The following GGH variants were observed in gnomAD, a reference collection of about 807,000 sequenced individuals.
The protein encoded by GGH is gamma-glutamyl hydrolase.
A neutral mutation model predicts 39.2 loss-of-function variants in GGH; 18 were observed. The observed-to-expected ratio is 0.46, with a 90% confidence interval of 0.32 to 0.68. The LOEUF (loss-of-function observed/expected upper bound fraction) is 0.68, where lower values mean the gene tolerates loss of function less well. Among genes scored for constraint, GGH ranks in the 30% least tolerant of loss-of-function variants. The pLI, the probability that GGH is intolerant of heterozygous loss-of-function variation, is 0.04. For missense variants in GGH, 367 were observed against 384.1 expected (o/e 0.96, Z 0.37); for synonymous variants, 147 against 138.8 (o/e 1.06, Z -0.42).
chr8:63,037,901 A>T (rs1804940349), intron 1 of GGH, among the ~76,000 whole-genome samples: 1 of 152,354 alleles, frequency 6.6e-6, no homozygotes, highest in East Asian at 1.9e-4. Context: ...TACAGAATAC[A>T]GTGATAATAT....
At chr8:63,036,166 C>T (rs1804904574) in intron 1 of GGH, among the ~76,000 whole-genome samples, 1 of 152,186 alleles carries the variant, frequency 6.6e-6, no homozygotes, top group Non-Finnish European at 1.5e-5. Context: ...CATCTTCCAT[C>T]CACACCTCTC....
intron 7 of GGH, among the ~76,000 whole-genome samples, chr8:63,021,981 C>T (rs1804595698): frequency 6.6e-6 from 1 of 152,022 alleles, no homozygotes; most frequent in Non-Finnish European, 1.5e-5. Context: ...GACCTCATAT[C>T]CATTTTTAAT....
At chr8:63,028,233 C>T (rs953510108) in intron 3 of GGH, 1 of 151,918 alleles carries the variant, frequency 6.6e-6, no homozygotes, top group Non-Finnish European at 1.5e-5. Context: ...AGAATATCTA[C>T]CACAAATCCA....
rs1357907518 is a variant in GGH at position 63,027,201 on chromosome 8, A to G, written c.340T>C (p.Phe114Leu). The part of the protein sequence containing the change: ...RSDYAKVAKI[F>L]YNLSIQSFDD... ...TTTACCTGTATGGACAAGTTATAAAATATTTTGGCCACTTTAGCATAATCT... is the reference window on the plus strand; with the variant it reads ...TTTACCTGTATGGACAAGTTATAAAGTATTTTGGCCACTTTAGCATAATCT... Residue 114 changes from phenylalanine (F) to leucine (L), a missense_variant, in exon 4 of 9, where the codon TTT becomes CTT. Transcript: ENST00000260118. 21 of 1,525,932 alleles carry G rather than the reference A, an allele frequency of 1.4e-5. No homozygotes were observed. In the Admixed American group the frequency reaches 3.5e-4, roughly 25 times the overall value. The allele number at this position is 1,525,932 out of a possible 1,614,324, so 94.5% of individuals were successfully genotyped here.
rs1443611943 is a variant in GGH, at chr8:63,038,754, G to C, written c.15C>G (p.Gly5=). 1.9e-6 allele frequency: 3 copies of C among 1,562,828 alleles called. No individual in the cohort carries two copies. The highest frequency in any genetic ancestry group is 2.4e-5 in the East Asian group (1 of 42,094). ...GCAGGCCCAGCACGCACAGCAGGCA[G>C]CCCGGACTGGCCATGGCGCTCGCCG... MASP[G]CLLCVLGLLL... is the part of the protein sequence containing the mutation. Residue 5 remains glycine (G), a synonymous_variant, in exon 1 of 9, where the codon GGC becomes GGG. Transcript: ENST00000260118.
Position 63,038,677 on chromosome 8 carries a change from G to C in GGH, c.92C>G (p.Ala31Gly). The change falls in exon 1 of 9, where the codon GCC (alanine) becomes GGC (glycine). Residue 31 changes from alanine to glycine, a missense_variant. Ala to Gly is a moderately conservative substitution (Grantham distance 60, BLOSUM62 0). Coordinates refer to ENST00000260118, the MANE Select transcript of GGH (RefSeq NM_003878.3). The stretch of plus-strand genomic sequence containing the variant: ...CTCCTTACCGATGATGGGCTTCTTG[G>C]CGGTGTCGCCGTGGGGTCTAGACAG... Reference protein sequence around the residue: ...LELSRPHGDTAKKPIIGILMQ... With the variant: ...LELSRPHGDTGKKPIIGILMQ... 1 of 1,541,508 alleles carries C rather than the reference G, an allele frequency of 6.5e-7. No individual in the cohort carries two copies. Among genetic ancestry groups the C allele is most frequent in the Non-Finnish European group, 8.8e-7 (1 of 1,136,444 alleles).
intron 2 of GGH, 88 bp downstream of exon 2, chr8:63,035,568 G>A (rs1804891017): frequency 1.3e-6 from 2 of 1,508,920 alleles, no homozygotes; most frequent in South Asian, 1.3e-5. Context: ...GCCTCCCAAA[G>A]TGCTAGAATT....
rs1420225400 is a variant in GGH, at chr8:63,015,274, T to TTAATTAAC, written c.*57_*58insGTTAATTA. On this transcript the variant is annotated 3_prime_UTR_variant, in exon 9 of 9. Coordinates refer to ENST00000260118, the MANE Select transcript of GGH (RefSeq NM_003878.3). ...TAATCTTGCCATGAGTAGCAAGTTA[T>TTAATTAAC]TCTAACAGTTTAATCATGGAATTAT... 4.4e-6 allele frequency: 4 copies of TTAATTAAC among 907,610 alleles called. No individual in the cohort carries two copies. Among genetic ancestry groups the TTAATTAAC allele is most frequent in the Non-Finnish European group, 6.8e-6 (4 of 585,984 alleles). 56.2% of individuals were successfully genotyped at this position (907,610 alleles called of 1,614,324 possible). A position where few individuals can be genotyped will look rare whatever the true frequency, so the allele number is the denominator to read the frequency against.
chr8:63,021,733 G>A (rs1191917775), intron 7 of GGH, among the ~76,000 whole-genome samples: 2 of 138,472 alleles, frequency 1.4e-5, no homozygotes, highest in East Asian at 2.2e-4. Context: ...GGAGTGCAGT[G>A]TGCAATCTCA....
intron 2 of GGH, among the ~76,000 whole-genome samples, chr8:63,033,426 C>T (rs952935527): frequency 6.6e-6 from 1 of 152,174 alleles, no homozygotes; most frequent in African/African-American, 2.4e-5. Context: ...TCAATCTCTC[C>T]ACCAGTGACA....
intron 3 of GGH, among the ~76,000 whole-genome samples, chr8:63,028,893 G>C (rs970917337): frequency 6.6e-6 from 1 of 152,074 alleles, no homozygotes; most frequent in Non-Finnish European, 1.5e-5. Flanking sequence ...TGTTTCAAAA[G>C]GTCTATTTTT....
chr8:63,038,611 C>A, intron 1 of GGH, 49 bp downstream of exon 1: 1 of 1,035,476 alleles, frequency 9.7e-7, no homozygotes, highest in South Asian at 2.0e-5. Flanking sequence ...CGCCCAGCGC[C>A]AACACCCAGC....
intron 7 of GGH, 165 bp from the exon 8 acceptor site, chr8:63,017,795 T>C (rs1178506119): frequency 9.7e-6 from 5 of 515,406 alleles, no homozygotes; most frequent in African/African-American, 4.0e-5. Flanking sequence ...TCATAATCAA[T>C]GTGAAAATTC....
At position 63,026,220 on chromosome 8, in the gene GGH, C is replaced by T. The variant is rs151257912; in HGVS notation, c.437G>A (p.Gly146Glu). Residue 146 changes from glycine to glutamate, a missense_variant, in exon 5 of 9, where the codon GGA (glycine) becomes GAA (glutamate). Gly to Glu is a moderately conservative substitution (Grantham distance 98). Transcript: ENST00000260118. ...GFEELSLLIS[G>E]ECLLTATDTV... ...ATCTGTGGCAGTTAATAAGCACTCT[C>T]CACTAATCAGCAGTGAAAGCTCTTC... The T allele has an allele frequency of 1.9e-6, 3 of 1,611,030 alleles. No homozygotes were observed. The highest frequency in any genetic ancestry group is 2.5e-6 in the Non-Finnish European group (3 of 1,177,966).
Position 63,015,360 on chromosome 8 carries a change from G to T in GGH, c.929C>A (p.Ser310Ter). ...FSPIYTGNISSFQQCYIFD is the reference protein window; with the variant it reads ...FSPIYTGNIS ...ATCAAATATGTAACATTGCTGAAAT[G>T]AAGAAATATTTCCAGTATAAATTGG... The change falls in exon 9 of 9, where the codon TCA becomes TAA. Residue 310 changes from serine (S) to a stop codon, truncating the protein, a stop_gained. Coordinates refer to ENST00000260118, the MANE Select transcript of GGH (RefSeq NM_003878.3). LOFTEE classifies it high-confidence loss of function. 1 of 1,405,530 alleles carries T rather than the reference G, an allele frequency of 7.1e-7. No individual in the cohort carries two copies. 87.1% of individuals were successfully genotyped at this position (1,405,530 alleles called of 1,614,324 possible).
chr8:63,032,046 T>C (rs1161741416), intron 2 of GGH, among the ~76,000 whole-genome samples: 1 of 151,988 alleles, frequency 6.6e-6, no homozygotes, highest in Non-Finnish European at 1.5e-5. Flanking sequence ...GTCTTTGGGG[T>C]TTTTTTGAGA....
At chr8:63,038,634 G>T in intron 1 of GGH, 26 bp downstream of exon 1, 1 of 1,282,966 alleles carries the variant, frequency 7.8e-7, no homozygotes, top group Non-Finnish European at 1.1e-6. Flanking sequence ...CTCCCCGTCT[G>T]CTGCGGCCCC....
chr8:63,035,727 A>G lies in GGH; in HGVS notation c.153T>C (p.Tyr51=), dbSNP rs746975684. 8.1e-6 allele frequency: 13 copies of G among 1,613,734 alleles called. No homozygotes were observed. In the East Asian group the frequency reaches 2.0e-4, roughly 25 times the overall value. Residue 51 remains tyrosine (Y), a synonymous_variant, in exon 2 of 9, where the codon TAT becomes TAC. Coordinates refer to ENST00000260118, the MANE Select transcript of GGH (RefSeq NM_003878.3). ...QKCRNKVMKN[Y]GRYYIAASYV... ...AGGACGCAGCAATATAGTATCTTCC[A>G]TAGTTTTTCATGACTTTATTACGGC...
rs1189128229 is a variant in GGH, at chr8:63,026,209, A to C, written c.448T>G (p.Leu150Val). The C allele has an allele frequency of 6.2e-7, 1 of 1,611,236 alleles. No individual in the cohort carries two copies. The highest frequency in any genetic ancestry group is 8.5e-7 in the Non-Finnish European group (1 of 1,178,294). Residue 150 changes from leucine to valine, a missense_variant, in exon 5 of 9, where the codon TTA (leucine) becomes GTA (valine). Leu to Val is a conservative substitution (Grantham distance 32, BLOSUM62 1). Transcript: ENST00000260118. ...LSLLISGECLLTATDTVDVAM... is the reference protein window; with the variant it reads ...LSLLISGECLVTATDTVDVAM... The stretch of plus-strand genomic sequence containing the variant: ...ACGTCAACAGTATCTGTGGCAGTTA[A>C]TAAGCACTCTCCACTAATCAGCAGT...
Sources: gnomAD v4.1 joint callset for allele counts (sites outside exome capture counted in the v4.1 genomes callset) on GRCh38, gnomAD v4.1.1 for gene constraint, MANE v1.5 for transcripts, NCBI Gene and HGNC (gene_info 2026-07-23, HGNC 2026-07-21) for gene names.